Variants in VPS13A observed in about 807,000 individuals in gnomAD.
VPS13A encodes the protein intermembrane lipid transfer protein VPS13A.
In VPS13A, 264 loss-of-function variants were observed where a neutral mutation model predicts 390.9. The observed-to-expected ratio is 0.68, with a 90% CI of 0.61 to 0.75. VPS13A has a LOEUF of 0.75. VPS13A is among the 30% of genes least tolerant of loss of function. The pLI, the probability that VPS13A is intolerant of heterozygous loss-of-function variation, is 0.00. For synonymous variants in VPS13A, 1,231 were observed against 1,227.1 expected (o/e 1.00, Z -0.07); for missense variants, 3,409 against 3,733.9 (o/e 0.91, Z 2.27).
intron 1 of VPS13A, among the ~76,000 whole-genome samples, chr9:77,181,768 T>G (rs1824033598): frequency 6.6e-6 from 1 of 152,180 alleles, no homozygotes; most frequent in Non-Finnish European, 1.5e-5. Context: ...AGAATGCATT[T>G]TTCCCATGGA....
At chr9:77,288,024 C>T (rs1827433267) in intron 31 of VPS13A, among the ~76,000 whole-genome samples, 1 of 152,152 alleles carries the variant, frequency 6.6e-6, no homozygotes, top group Non-Finnish European at 1.5e-5. Context: ...CACTACTGCC[C>T]TTTGAGGTTA....
At chr9:77,335,955 C>A (rs1052782565) in intron 46 of VPS13A, among the ~76,000 whole-genome samples, 1 of 152,080 alleles carries the variant, frequency 6.6e-6, no homozygotes, top group Non-Finnish European at 1.5e-5. Context: ...TGGAACCAAC[C>A]CAAATGCCCA....
intron 10 of VPS13A, among the ~76,000 whole-genome samples, chr9:77,219,371 A>G (rs1307184321): frequency 6.6e-6 from 1 of 152,172 alleles, no homozygotes; most frequent in Admixed American, 6.5e-5. Context: ...AGATTCTGCT[A>G]TTACTGGTCT....
intron 31 of VPS13A, among the ~76,000 whole-genome samples, chr9:77,290,854 A>G (rs1827611066): frequency 1.3e-5 from 2 of 152,198 alleles, no homozygotes; most frequent in East Asian, 3.8e-4. Context: ...GTTCCACTAG[A>G]AGCCTTTACC....
At chr9:77,318,102 A>T in intron 40 of VPS13A, 133 bp from the exon 41 acceptor site, 1 of 534,004 alleles carries the variant, frequency 1.9e-6, no homozygotes, top group Non-Finnish European at 3.1e-6. Context: ...TTTATAAACA[A>T]TAAATTGTAT....
intron 6 of VPS13A, among the ~76,000 whole-genome samples, chr9:77,210,219 T>TCCC (rs1564632752): frequency 1.7e-5 from 2 of 117,626 alleles, no homozygotes; most frequent in Admixed American, 9.0e-5. Flanking sequence ...TCTCCTCTTC[T>TCCC]CTCCCCTCCC....
chr9:77,213,353 A>AT, intron 9 of VPS13A, 39 bp downstream of exon 9: 1 of 1,515,486 alleles, frequency 6.6e-7, no homozygotes, highest in Non-Finnish European at 9.2e-7. Flanking sequence ...TTGGTATCAT[A>AT]TTTTGCATGA....
intron 71 of VPS13A, among the ~76,000 whole-genome samples, chr9:77,413,877 G>A (rs1445894659): frequency 1.3e-5 from 2 of 152,072 alleles, no homozygotes; most frequent in Non-Finnish European, 2.9e-5. Context: ...AATCTACAAT[G>A]AACTCAAACA....
rs192609104 is a variant in VPS13A at position 77,326,143 on chromosome 9, T to G, written c.5991+2916T>G. Among the ~76,000 whole-genome samples, 115 of 152,302 alleles carry G rather than the reference T, an allele frequency of 7.6e-4. 1 individual carries two copies. The highest frequency in any genetic ancestry group is 1.4e-3 in the Non-Finnish European group (94 of 68,024). ...GCTTTTTTTCCTATATTTGCTTTTC[T>G]ACAAAATGTGTCAATCTTTTCTTCA... is the stretch of plus-strand genomic sequence containing the variant. On this transcript the variant is annotated intron_variant, in intron 45 of 71. Coordinates refer to ENST00000360280, the MANE Select transcript of VPS13A (RefSeq NM_033305.3).
chr9:77,334,571 G>A (rs1830443435), intron 46 of VPS13A, among the ~76,000 whole-genome samples: 1 of 152,210 alleles, frequency 6.6e-6, no homozygotes, highest in Non-Finnish European at 1.5e-5. Flanking sequence ...TCTGCCCTCA[G>A]TCTACTCTAA....
chr9:77,376,115 A>T (rs1024484535), intron 67 of VPS13A, among the ~76,000 whole-genome samples: 2 of 152,150 alleles, frequency 1.3e-5, no homozygotes, highest in African/African-American at 4.8e-5. Flanking sequence ...GAGCCATGTG[A>T]GAAGAATGTC....
At chr9:77,215,625 G>A (rs769964851) in intron 10 of VPS13A, among the ~76,000 whole-genome samples, 2 of 152,068 alleles carry the variant, frequency 1.3e-5, no homozygotes, top group African/African-American at 2.4e-5. Context: ...GAGTAACAAG[G>A]GACTGTCTCA....
At chr9:77,413,084 T>G (rs887062240) in intron 71 of VPS13A, among the ~76,000 whole-genome samples, 100 of 152,084 alleles carry the variant, frequency 6.6e-4, no homozygotes, top group African/African-American at 2.0e-3. Flanking sequence ...CACTGCTCAG[T>G]GAAATAAAAG....
At chr9:77,366,589 A>C (rs573131895) in intron 60 of VPS13A, 138 bp from the exon 61 acceptor site, 2 of 706,882 alleles carry the variant, frequency 2.8e-6, no homozygotes, top group African/African-American at 3.6e-5. Context: ...ATTTCTACTT[A>C]GTGATTTTAA....
intron 68 of VPS13A, among the ~76,000 whole-genome samples, chr9:77,402,842 G>T (rs189788229): frequency 1.3e-5 from 2 of 152,294 alleles, no homozygotes; most frequent in Admixed American, 1.3e-4. Flanking sequence ...AAGCTAATAA[G>T]TAATTTATGT....
chr9:77,239,388 A>T (rs1427958578), intron 19 of VPS13A, among the ~76,000 whole-genome samples: 1 of 151,978 alleles, frequency 6.6e-6, no homozygotes, highest in African/African-American at 2.4e-5. Context: ...CAAAAGTAAT[A>T]ATAATAAAAA....
rs567617802 is a variant in VPS13A at position 77,384,243 on chromosome 9, G to A, written c.9189+2156G>A. The stretch of plus-strand genomic sequence containing the variant: ...TAAATATAAAATACATTCTTTTATT[G>A]TGTACCTTTCTATCTAGAAGGTAGC... On this transcript the variant is annotated intron_variant, in intron 68 of 71. Transcript: ENST00000360280. Among the ~76,000 whole-genome samples, 5 of 151,512 alleles carry A rather than the reference G, an allele frequency of 3.3e-5. No homozygotes were observed. The East Asian group carries it at 7.7e-4, about 23-fold the overall frequency.
intron 46 of VPS13A, among the ~76,000 whole-genome samples, chr9:77,335,924 C>T (rs544330769): frequency 6.6e-6 from 1 of 152,298 alleles, no homozygotes; most frequent in Admixed American, 6.5e-5. Flanking sequence ...TATTGCAGCA[C>T]TGTTCACAAT....
intron 27 of VPS13A, among the ~76,000 whole-genome samples, 189 bp from the exon 28 acceptor site, chr9:77,281,678 A>G (rs934847934): frequency 1.3e-5 from 2 of 151,330 alleles, no homozygotes; most frequent in African/African-American, 4.9e-5. Context: ...CAATACTTAC[A>G]TTTTCTTTTG....
Sources: allele counts gnomAD v4.1 joint callset (sites outside exome capture counted in the v4.1 genomes callset), GRCh38; gene constraint gnomAD v4.1.1; transcripts MANE v1.5; gene names NCBI Gene and HGNC (gene_info 2026-07-23, HGNC 2026-07-21).